The following BMP8B variants were observed in gnomAD, a reference collection of about 807,000 sequenced individuals.
BMP8B encodes bone morphogenetic protein 8b.
Under a neutral mutation model 30.3 loss-of-function variants are expected in BMP8B, and 17 were observed. The observed-to-expected ratio is 0.56, with a 90% confidence interval of 0.38 to 0.84. The LOEUF (loss-of-function observed/expected upper bound fraction) is 0.84, where lower values mean the gene tolerates loss of function less well. Among genes scored for constraint, BMP8B ranks in the 40% least tolerant of loss-of-function variants. The pLI is 0.00. For synonymous variants in BMP8B, 131 were observed against 214.7 expected (o/e 0.61, Z 3.41); for missense variants, 253 against 494.6 (o/e 0.51, Z 4.63).
intron 6 of BMP8B, chr1:39,762,453 C>T: frequency 1.3e-6 from 2 of 1,491,360 alleles, no homozygotes; most frequent in Non-Finnish European, 1.8e-6. Context: ...TCCACAAACA[C>T]ACAGAGCACT....
At chr1:39,764,002 C>T (rs1649401185) in intron 4 of BMP8B, 4 of 601,182 alleles carry the variant, frequency 6.7e-6, no homozygotes, top group East Asian at 3.0e-5. Context: ...GCTAGAGTGA[C>T]ACTGTGCCCA....
chr1:39,763,569 C>G (rs1649338670), intron 5 of BMP8B, 143 bp downstream of exon 5: 2 of 1,257,044 alleles, frequency 1.6e-6, no homozygotes, highest in African/African-American at 3.2e-5. Context: ...ACCATATTCT[C>G]ACTTTAGAAA....
At position 39,758,322 on chromosome 1, in the gene BMP8B, C is replaced by A. The variant is rs190401313; in HGVS notation, c.*2097G>T. ...CTCTGCTCACTGCAACCTCCACCTCCCAGGTTCAAGCAATTCTGCCTCAGC... is the reference window on the plus strand; with the variant it reads ...CTCTGCTCACTGCAACCTCCACCTCACAGGTTCAAGCAATTCTGCCTCAGC... On this transcript the variant is annotated 3_prime_UTR_variant, in exon 7 of 7. Transcript: ENST00000372827. 1.3e-5 allele frequency: 2 copies of A among 152,338 alleles called. No individual in the cohort carries two copies. Among genetic ancestry groups the A allele is most frequent in the East Asian group, 3.9e-4 (2 of 5,182 alleles). 9.4% of individuals were successfully genotyped at this position (152,338 alleles called of 1,614,324 possible).
chr1:39,788,423 G>T lies in BMP8B; in HGVS notation c.63C>A (p.Gly21=), dbSNP rs1014403849. 3 of 1,043,218 alleles carry T rather than the reference G, an allele frequency of 2.9e-6. No individual in the cohort carries two copies. Among genetic ancestry groups the T allele is most frequent in the Non-Finnish European group, 3.5e-6 (3 of 869,102 alleles). 64.6% of individuals were successfully genotyped at this position (1,043,218 alleles called of 1,614,324 possible). A position where few individuals can be genotyped will look rare whatever the true frequency, so the allele number is the denominator to read the frequency against. The change falls in exon 1 of 7, where the codon GGC becomes GGA. Residue 21 remains glycine (G), a synonymous_variant. Transcript: ENST00000372827. This position sits in a 1 kb window ranked among gnomAD's most constrained non-coding sequence, Gnocchi z 5.8. The part of the protein sequence containing the change: ...LGLALCALGG[G]GPGLRPPPGC... ...CGGGCGGGGGTCGCAGGCCGGGGCC[G>T]CCCCCGCCCAGCGCGCATAGCGCCA...
intron 6 of BMP8B, 64 bp from the exon 7 acceptor site, chr1:39,760,632 GC>G: frequency 1.3e-6 from 2 of 1,491,130 alleles, no homozygotes; most frequent in African/African-American, 1.4e-5. Flanking sequence ...GACCCACCCA[GC>G]CCCACCCCAG....
intron 3 of BMP8B, among the ~76,000 whole-genome samples, chr1:39,766,992 C>T (rs878862870): frequency 1.3e-5 from 2 of 152,278 alleles, no homozygotes; most frequent in South Asian, 4.1e-4. Context: ...TCCTGTGACT[C>T]CCTGGGGAGC....
In BMP8B at chr1:39,757,517, C is replaced by G. The variant is rs1385193484; in HGVS notation, c.*2902G>C. ...TTAGTGACTACGAATCCCCTGCTGA[C>G]TTGGCCTCAAGGCCAGTATTGCACC... On this transcript the variant is annotated 3_prime_UTR_variant, in exon 7 of 7. Transcript: ENST00000372827. The G allele has an allele frequency of 3.3e-5, 5 of 152,308 alleles. No homozygotes were observed. The highest frequency in any genetic ancestry group is 7.2e-5 in the African/African-American group (3 of 41,476). 9.4% of individuals were successfully genotyped at this position (152,308 alleles called of 1,614,324 possible). A position where few individuals can be genotyped will look rare whatever the true frequency, so the allele number is the denominator to read the frequency against.
At position 39,785,012 on chromosome 1, in the gene BMP8B, G is replaced by A. The variant is rs2124510900; in HGVS notation, c.334+3140C>T. Among the ~76,000 whole-genome samples, 3 of 93,622 alleles carry A rather than the reference G, an allele frequency of 3.2e-5. No individual in the cohort carries two copies. The South Asian group carries it at 1.3e-3, about 40-fold the overall frequency. The allele number at this position is 93,622 out of a possible 152,430, so 61.4% of individuals were successfully genotyped here. A position where few individuals can be genotyped will look rare whatever the true frequency, so the allele number is the denominator to read the frequency against. On this transcript the variant is annotated intron_variant, in intron 1 of 6. Transcript: ENST00000372827. ...AAGGATTCAGAAGGAGTGTGCAGAG[G>A]TGGTCCTTCCTGCCATCCTTCCTCC...
chr1:39,762,235 TTTAA>T (rs1649094691), intron 6 of BMP8B: 1 of 319,786 alleles, frequency 3.1e-6, no homozygotes, highest in African/African-American at 2.1e-5. Context: ...GTGTGTGTGT[TTTAA>T]TTTTTATTTT....
In BMP8B at chr1:39,759,818, A is replaced by T. The variant is rs932087169; in HGVS notation, c.*601T>A. The T allele has an allele frequency of 1.3e-5, 2 of 152,686 alleles. No homozygotes were observed. The highest frequency in any genetic ancestry group is 4.8e-5 in the African/African-American group (2 of 41,478). The allele number at this position is 152,686 out of a possible 1,614,324, so 9.5% of individuals were successfully genotyped here. A position where few individuals can be genotyped will look rare whatever the true frequency, so the allele number is the denominator to read the frequency against. ...ATGCCATTGGCTTTAGCCCTAAATC[A>T]TGCTGTTCACTCAGCTTTTTCTTGA... On this transcript the variant is annotated 3_prime_UTR_variant, in exon 7 of 7. Coordinates refer to ENST00000372827, the MANE Select transcript of BMP8B (RefSeq NM_001720.5).
intron 3 of BMP8B, among the ~76,000 whole-genome samples, chr1:39,769,240 A>G (rs1649781768): frequency 6.6e-6 from 1 of 151,040 alleles, no homozygotes; most frequent in South Asian, 2.1e-4. Flanking sequence ...TCGTGAAGAT[A>G]GCATGTCTTC....
intron 6 of BMP8B, 125 bp from the exon 7 acceptor site, chr1:39,760,693 CAATAAT>C (rs1275991575): frequency 7.9e-7 from 1 of 1,260,218 alleles, no homozygotes; most frequent in African/African-American, 1.5e-5. Flanking sequence ...GGGAGCAGCA[CAATAAT>C]AATAACTATT....
At chr1:39,763,297 C>T (rs1489144541) in intron 5 of BMP8B, 95 bp from the exon 6 acceptor site, 1 of 1,269,450 alleles carries the variant, frequency 7.9e-7, no homozygotes, top group Non-Finnish European at 1.1e-6. Flanking sequence ...GCCGTCTCCC[C>T]CAAGAGGCTT....
rs1648566578 is a variant in BMP8B, at chr1:39,758,830, A to G, written c.*1589T>C. The G allele has an allele frequency of 1.3e-5, 2 of 152,332 alleles. No homozygotes were observed. The highest frequency in any genetic ancestry group is 3.9e-4 in the East Asian group (2 of 5,178). 9.4% of individuals were successfully genotyped at this position (152,332 alleles called of 1,614,324 possible). On this transcript the variant is annotated 3_prime_UTR_variant, in exon 7 of 7. Transcript: ENST00000372827. The stretch of plus-strand genomic sequence containing the variant: ...GGAGGGTCTCTTCCTCTGCGCTTGC[A>G]CATGGAGGCCCTCCCTGGTCCAGGT...
At chr1:39,766,011 G>A (rs1268017281) in intron 3 of BMP8B, among the ~76,000 whole-genome samples, 1 of 151,548 alleles carries the variant, frequency 6.6e-6, no homozygotes, top group Non-Finnish European at 1.5e-5. Context: ...CTCCAGCTGG[G>A]CGACAGAATG....
intron 1 of BMP8B, among the ~76,000 whole-genome samples, chr1:39,776,265 A>G (rs1650224268): frequency 3.3e-5 from 5 of 151,870 alleles, no homozygotes; most frequent in African/African-American, 1.2e-4. Context: ...ACATTTCCCC[A>G]GGTGTCCGGA....
chr1:39,763,036 CCT>C, intron 6 of BMP8B, 54 bp downstream of exon 6: 1 of 1,588,114 alleles, frequency 6.3e-7, no homozygotes, highest in Admixed American at 1.7e-5. Flanking sequence ...GGACCAGACC[CCT>C]CTCCACAGGG....
At chr1:39,786,448 C>A (rs1650984169) in intron 1 of BMP8B, among the ~76,000 whole-genome samples, 1 of 152,182 alleles carries the variant, frequency 6.6e-6, no homozygotes, top group Non-Finnish European at 1.5e-5. Flanking sequence ...TTACAAGGAG[C>A]AACGAAGGCT....
rs533644809 is a variant in BMP8B, at chr1:39,771,350, C to T, written c.673+2958G>A. On this transcript the variant is annotated intron_variant, in intron 3 of 6. Transcript: ENST00000372827. ...AGCAGGGCGGGCGCCCGCGCCCTGACGCACTCCCTCCCAGCAGGTCTCCCC... is the reference window on the plus strand; with the variant it reads ...AGCAGGGCGGGCGCCCGCGCCCTGATGCACTCCCTCCCAGCAGGTCTCCCC... The T allele has an allele frequency of 1.8e-5, 15 of 834,056 alleles. No individual in the cohort carries two copies. In the Admixed American group the frequency reaches 4.0e-4, roughly 22 times the overall value. The allele number at this position is 834,056 out of a possible 1,614,324, so 51.7% of individuals were successfully genotyped here. A position where few individuals can be genotyped will look rare whatever the true frequency, so the allele number is the denominator to read the frequency against.
Sources: allele counts gnomAD v4.1 joint callset (sites outside exome capture counted in the v4.1 genomes callset), GRCh38; gene constraint gnomAD v4.1.1; non-coding constraint Gnocchi (gnomAD v3.1); transcripts MANE v1.5; gene names NCBI Gene and HGNC (gene_info 2026-07-23, HGNC 2026-07-21).